Variants in RBM25 observed in about 807,000 individuals in gnomAD.
RBM25 encodes the protein RNA-binding protein 25.
In RBM25, 19 loss-of-function variants were observed where a neutral mutation model predicts 120.7. That is an observed-to-expected ratio of 0.16 (90% confidence interval 0.11 to 0.23). The LOEUF is 0.23. Ranked by LOEUF, RBM25 falls within the 10% of genes least tolerant of loss-of-function variation. The pLI is 1.00. For synonymous variants in RBM25, 390 were observed against 326.7 expected, an observed-to-expected ratio of 1.19 and a Z score of -2.09; for missense variants, 605 against 1,041.5, an observed-to-expected ratio of 0.58 and a Z score of 5.77.
chr14:73,077,409 G>A lies in RBM25; in HGVS notation c.197G>A (p.Gly66Asp). ...GTGTCTATGGTTGGAAAGCATTTGG[G>A]CGCAAGAAAGGATCATCCAGGCTTA... The part of the protein sequence containing the change: ...PTVSMVGKHL[G>D]ARKDHPGLKA... The change falls in exon 4 of 19, where the codon GGC (glycine) becomes GAC (aspartate). Residue 66 changes from glycine (G) to aspartate (D), a missense_variant. By Grantham distance (94) the Gly-to-Asp change is moderately conservative. Transcript: ENST00000261973. 4 of 1,613,776 alleles carry A rather than the reference G, an allele frequency of 2.5e-6. No individual in the cohort carries two copies. The highest frequency in any genetic ancestry group is 3.4e-6 in the Non-Finnish European group (4 of 1,179,762).
At chr14:73,086,455 A>G (rs923117195) in intron 5 of RBM25, among the ~76,000 whole-genome samples, 8 of 151,504 alleles carry the variant, frequency 5.3e-5, no homozygotes, top group Non-Finnish European at 8.8e-5. Flanking sequence ...AAAAAACAAA[A>G]CAGTGGTTTG....
intron 1 of RBM25, chr14:73,059,272 C>T (rs552621103): frequency 6.6e-6 from 1 of 152,310 alleles, no homozygotes; most frequent in East Asian, 1.9e-4. Flanking sequence ...GAGCTAATAC[C>T]TACCTTTTTA....
chr14:73,111,145 T>C lies in RBM25; in HGVS notation c.2007T>C (p.Ser669=). Residue 669 remains serine (S), a synonymous_variant, in exon 15 of 19, where the codon AGT becomes AGC. Coordinates refer to ENST00000261973, the MANE Select transcript of RBM25 (RefSeq NM_021239.3). ...PEEHRPKIGL[S]LKLGASNSPG... ...AGCATAGGCCAAAAATAGGACTAAG[T>C]CTTAAACTGGGTACGTTAGCATTTC... The C allele has an allele frequency of 6.2e-7, 1 of 1,605,642 alleles. No homozygotes were observed. The highest frequency in any genetic ancestry group is 8.5e-7 in the Non-Finnish European group (1 of 1,172,512).
chr14:73,093,118 T>G (rs146962874), intron 6 of RBM25, among the ~76,000 whole-genome samples: 7 of 152,330 alleles, frequency 4.6e-5, no homozygotes, highest in Non-Finnish European at 1.0e-4. Context: ...TCACAAGTCA[T>G]AGTTATTAAC....
rs1896531690 is a variant in RBM25, at chr14:73,121,028, T to C, written c.*1223T>C. ...GAGAAATTCCTGGGGCTTTCTTCGTTGTAGATCAGAATTTCACCAGGGAGT... is the reference window on the plus strand; with the variant it reads ...GAGAAATTCCTGGGGCTTTCTTCGTCGTAGATCAGAATTTCACCAGGGAGT... On this transcript the variant is annotated 3_prime_UTR_variant, in exon 19 of 19. Coordinates refer to ENST00000261973, the MANE Select transcript of RBM25 (RefSeq NM_021239.3). 6.6e-6 allele frequency: 1 copy of C among 152,210 alleles called. No homozygotes were observed. Among genetic ancestry groups the C allele is most frequent in the Non-Finnish European group, 1.5e-5 (1 of 68,018 alleles). 9.4% of individuals were successfully genotyped at this position (152,210 alleles called of 1,614,324 possible).
chr14:73,065,343 G>T (rs1046990572), intron 1 of RBM25, among the ~76,000 whole-genome samples: 1 of 151,990 alleles, frequency 6.6e-6, no homozygotes, highest in Non-Finnish European at 1.5e-5. Context: ...GGCCGGGCTG[G>T]TCTCCAACTC....
In RBM25 at chr14:73,111,794, G is replaced by T. The variant is rs150821683; in HGVS notation, c.2284G>T (p.Val762Leu). The T allele has an allele frequency of 6.3e-7, 1 of 1,583,590 alleles. No individual in the cohort carries two copies. Among genetic ancestry groups the T allele is most frequent in the Non-Finnish European group, 8.6e-7 (1 of 1,169,292 alleles). The change falls in exon 16 of 19, where the codon GTG becomes TTG. Residue 762 changes from valine (V) to leucine (L), a missense_variant. Coordinates refer to ENST00000261973, the MANE Select transcript of RBM25 (RefSeq NM_021239.3). The stretch of plus-strand genomic sequence containing the variant: ...CGCTTATCCCCTGGATTGGTCTATT[G>T]TGGATTCTGTGAGTAGGAAATTATA... ...LFAYPLDWSI[V>L]DSILMERRIR...
chr14:73,072,221 C>A (rs1281162195), intron 2 of RBM25, among the ~76,000 whole-genome samples: 2 of 151,950 alleles, frequency 1.3e-5, no homozygotes, highest in African/African-American at 2.4e-5. Context: ...ATCTGCCGGC[C>A]TCCGGCTCCC....
intron 18 of RBM25, among the ~76,000 whole-genome samples, chr14:73,116,479 T>C (rs932131059): frequency 2.0e-5 from 3 of 152,228 alleles, no homozygotes; most frequent in Non-Finnish European, 2.9e-5. Context: ...ACATTCCTTT[T>C]CTGCTGCCTA....
In RBM25 at chr14:73,071,630, G is replaced by A. The variant is rs758441408; in HGVS notation, c.-12G>A. 1.3e-6 allele frequency: 2 copies of A among 1,591,064 alleles called. No individual in the cohort carries two copies. The highest frequency in any genetic ancestry group is 1.7e-6 in the Non-Finnish European group (2 of 1,159,766). ...TGTCATGTCCTTTTTTCTTTAGACT[G>A]CTGCAGTAAGAATGTCTTTTCCACC... On this transcript the variant is annotated 5_prime_UTR_variant, in exon 2 of 19. Transcript: ENST00000261973.
intron 14 of RBM25, among the ~76,000 whole-genome samples, chr14:73,109,846 G>A (rs1896271026): frequency 6.6e-6 from 1 of 152,032 alleles, no homozygotes; most frequent in African/African-American, 2.4e-5. Context: ...GATTACAGGT[G>A]TGTGCCACCT....
At chr14:73,099,849 T>C in intron 9 of RBM25, 99 bp downstream of exon 9, 1 of 1,400,836 alleles carries the variant, frequency 7.1e-7, no homozygotes. Context: ...AATATAATTT[T>C]AAATGTTTTT....
At chr14:73,070,440 T>C (rs994894306) in intron 1 of RBM25, among the ~76,000 whole-genome samples, 1 of 796 alleles carries the variant, frequency 1.3e-3, no homozygotes, top group Non-Finnish European at 9.1e-3. Flanking sequence ...TACTTTTAAG[T>C]TTAAAAAAAA....
At chr14:73,058,737 C>T (rs1303006803) in intron 1 of RBM25, 32 bp downstream of exon 1, 1 of 151,564 alleles carries the variant, frequency 6.6e-6, no homozygotes, top group Non-Finnish European at 1.5e-5. Context: ...CGTGTGGAAA[C>T]CGGGAGACCG....
Position 73,120,921 on chromosome 14 carries a change from T to C in RBM25, c.*1116T>C, listed in dbSNP as rs539280738. 3.5e-4 allele frequency: 53 copies of C among 152,312 alleles called. No individual in the cohort carries two copies. Among genetic ancestry groups the C allele is most frequent in the African/African-American group, 1.2e-3 (50 of 41,568 alleles). 9.4% of individuals were successfully genotyped at this position (152,312 alleles called of 1,614,324 possible). A position where few individuals can be genotyped will look rare whatever the true frequency, so the allele number is the denominator to read the frequency against. On this transcript the variant is annotated 3_prime_UTR_variant, in exon 19 of 19. Coordinates refer to ENST00000261973, the MANE Select transcript of RBM25 (RefSeq NM_021239.3). The stretch of plus-strand genomic sequence containing the variant: ...CAGTTACCAACCACTAACTATTTGT[T>C]TTCATTTTTGTCTTGTAGAAGGTTT...
At chr14:73,097,441 G>A (rs1046984144) in intron 7 of RBM25, among the ~76,000 whole-genome samples, 1 of 151,764 alleles carries the variant, frequency 6.6e-6, no homozygotes, top group Non-Finnish European at 1.5e-5. Context: ...CCTCGTGGTC[G>A]ACCCGCCTCG....
chr14:73,062,499 TC>T (rs1359058671), intron 1 of RBM25, among the ~76,000 whole-genome samples: 1 of 151,512 alleles, frequency 6.6e-6, no homozygotes, highest in East Asian at 1.9e-4. Context: ...TAATTTTGTT[TC>T]TATCTGGATA....
intron 6 of RBM25, among the ~76,000 whole-genome samples, chr14:73,089,403 A>G (rs777151489): frequency 1.3e-5 from 2 of 152,084 alleles, no homozygotes; most frequent in Non-Finnish European, 2.9e-5. Flanking sequence ...CGTTCAGGCT[A>G]GAGTGCAGTG....
intron 2 of RBM25, among the ~76,000 whole-genome samples, chr14:73,075,846 A>G (rs1452641878): frequency 7.1e-6 from 1 of 140,272 alleles, no homozygotes; most frequent in Non-Finnish European, 1.6e-5. Context: ...GGGTCTCACT[A>G]TTTTGCCCAG....
Sources: allele counts gnomAD v4.1 joint callset (sites outside exome capture counted in the v4.1 genomes callset), GRCh38; gene constraint gnomAD v4.1.1; transcripts MANE v1.5; gene names NCBI Gene and HGNC (gene_info 2026-07-23, HGNC 2026-07-21).